Variants in ADAM18 observed in about 807,000 individuals in gnomAD.
ADAM18 encodes disintegrin and metalloproteinase domain-containing protein 18.
Under a neutral mutation model 94.4 loss-of-function variants are expected in ADAM18, and 117 were observed. The ratio of observed to expected loss-of-function variants is 1.24; its 90% CI spans 1.07 to 1.45. The LOEUF is 1.45. Ranked by LOEUF, ADAM18 falls within the 40% of genes most tolerant of loss-of-function variation. ADAM18 has a pLI of 0.00. For missense variants in ADAM18, 936 were observed against 880.0 expected (o/e 1.06, Z -0.81); for synonymous variants, 327 against 291.6 (o/e 1.12, Z -1.24).
Position 39,668,043 on chromosome 8 carries a change from T to A in ADAM18, c.1372T>A (p.Cys458Ser). 6.2e-7 allele frequency: 1 copy of A among 1,614,020 alleles called. No individual in the cohort carries two copies. The highest frequency in any genetic ancestry group is 8.5e-7 in the Non-Finnish European group (1 of 1,179,986). The change falls in exon 14 of 20, where the codon TGT (cysteine) becomes AGT (serine). Residue 458 changes from cysteine to serine, a missense_variant. Physicochemically the swap from Cys to Ser is moderately radical, Grantham distance 112 (BLOSUM62 -1). Transcript: ENST00000265707. ...TPCRKSIDPE[C>S]DFTEYCNGTS... Reference sequence around the variant, plus strand: ...ATGTAGAAAGAGTATTGATCCAGAGTGTGATTTTACAGAGTACTGCAATGG... The same window carrying A: ...ATGTAGAAAGAGTATTGATCCAGAGAGTGATTTTACAGAGTACTGCAATGG...
chr8:39,669,783 A>T (rs1216128490), intron 14 of ADAM18, among the ~76,000 whole-genome samples: 1 of 152,082 alleles, frequency 6.6e-6, no homozygotes, highest in East Asian at 1.9e-4. Flanking sequence ...ATGCGTGTGC[A>T]TGTGTCTTTA....
intron 5 of ADAM18, 130 bp downstream of exon 5, chr8:39,609,691 G>A: frequency 3.4e-6 from 2 of 591,782 alleles, no homozygotes; most frequent in Non-Finnish European, 5.8e-6. Flanking sequence ...CTTTCTAACA[G>A]CTTTATTCTA....
chr8:39,639,757 T>C (rs1389623930), intron 10 of ADAM18, among the ~76,000 whole-genome samples: 1 of 152,042 alleles, frequency 6.6e-6, no homozygotes, highest in East Asian at 1.9e-4. Context: ...AAATCATACA[T>C]TGTTTCTAGT....
chr8:39,638,835 G>A (rs187556362), intron 10 of ADAM18, among the ~76,000 whole-genome samples: 1 of 151,800 alleles, frequency 6.6e-6, no homozygotes, highest in African/African-American at 2.4e-5. Flanking sequence ...CAAAGCATTA[G>A]AGCAATGTTA....
At chr8:39,635,540 A>G (rs1418498622) in intron 7 of ADAM18, among the ~76,000 whole-genome samples, 3 of 152,210 alleles carry the variant, frequency 2.0e-5, no homozygotes, top group African/African-American at 7.2e-5. Flanking sequence ...ATCATAATAT[A>G]GTAATCAAAA....
intron 2 of ADAM18, among the ~76,000 whole-genome samples, chr8:39,593,456 A>T (rs941578900): frequency 2.0e-5 from 3 of 152,162 alleles, no homozygotes; most frequent in African/African-American, 4.8e-5. Flanking sequence ...TGAGGAAAAA[A>T]GTTAGAGGCA....
In ADAM18 at chr8:39,623,190, T is replaced by C. The variant is rs574521521; in HGVS notation, c.523-6184T>C. On this transcript the variant is annotated intron_variant, in intron 6 of 19. Coordinates refer to ENST00000265707, the MANE Select transcript of ADAM18 (RefSeq NM_014237.3). ...TCAAGTTGCTGCAAAAGACATTATT[T>C]CATTCTTTTTTATGGCTGAGTAGCA... is the stretch of plus-strand genomic sequence containing the variant. Among the ~76,000 whole-genome samples the C allele has an allele frequency of 3.1e-4, 47 of 152,348 alleles. No homozygotes were observed. The East Asian group carries it at 7.1e-3, about 23-fold the overall frequency.
chr8:39,648,609 A>T, intron 12 of ADAM18, 82 bp downstream of exon 12: 4 of 1,217,988 alleles, frequency 3.3e-6, no homozygotes, highest in Non-Finnish European at 4.5e-6. Context: ...GTATATATAA[A>T]TGATATATGC....
chr8:39,603,958 A>C (rs1012867839), intron 2 of ADAM18, among the ~76,000 whole-genome samples: 2 of 152,232 alleles, frequency 1.3e-5, no homozygotes, highest in South Asian at 4.1e-4. Context: ...TATCTTTCAG[A>C]TATAGCCAGA....
At chr8:39,668,262 A>G in intron 14 of ADAM18, 66 bp downstream of exon 14, 1 of 1,446,556 alleles carries the variant, frequency 6.9e-7, no homozygotes, top group Admixed American at 1.7e-5. Context: ...TACATTATGT[A>G]CCACACAACT....
At position 39,637,017 on chromosome 8, in the gene ADAM18, TTTTATATATATA is replaced by T. The variant is rs1465906871; in HGVS notation, c.589-245_589-234del. Reference sequence around the variant, plus strand: ...TTAATAATATTTCCGCATGTGTGTATTTTATATATATATATATATATATATATATATATATAT... The same window carrying T: ...TTAATAATATTTCCGCATGTGTGTATTATATATATATATATATATATATAT... On this transcript the variant is annotated intron_variant, in intron 7 of 19. Coordinates refer to ENST00000265707, the MANE Select transcript of ADAM18 (RefSeq NM_014237.3). Among the ~76,000 whole-genome samples the T allele has an allele frequency of 1.1e-3, 96 of 84,768 alleles. 1 individual carries two copies. Among genetic ancestry groups the T allele is most frequent in the African/African-American group, 3.4e-3 (91 of 26,698 alleles). The allele number at this position is 84,768 out of a possible 152,430, so 55.6% of individuals were successfully genotyped here.
rs557751771 is a variant in ADAM18, at chr8:39,620,846, G to C, written c.523-8528G>C. Among the ~76,000 whole-genome samples, 3 of 151,842 alleles carry C rather than the reference G, an allele frequency of 2.0e-5. 1 individual carries two copies. The South Asian group carries it at 6.2e-4, about 31-fold the overall frequency. ...CAGAGATGTAGAGTGTGGAATGATA[G>C]ACAATAGAGATTTGGATGGGTGAGG... On this transcript the variant is annotated intron_variant, in intron 6 of 19. Coordinates refer to ENST00000265707, the MANE Select transcript of ADAM18 (RefSeq NM_014237.3).
chr8:39,633,118 C>A (rs1359992126), intron 7 of ADAM18, among the ~76,000 whole-genome samples: 2 of 152,080 alleles, frequency 1.3e-5, no homozygotes, highest in East Asian at 1.9e-4. Context: ...GTTTGTGGAG[C>A]CTTGATGTGA....
chr8:39,643,956 C>T (rs150505975), intron 10 of ADAM18, among the ~76,000 whole-genome samples: 2 of 151,852 alleles, frequency 1.3e-5, no homozygotes, highest in African/African-American at 4.8e-5. Context: ...CTTTCAAATT[C>T]TGACACTGTA....
At chr8:39,720,256 G>T (rs907972593) in intron 18 of ADAM18, among the ~76,000 whole-genome samples, 1 of 151,450 alleles carries the variant, frequency 6.6e-6, no homozygotes, top group African/African-American at 2.4e-5. Flanking sequence ...AAAAATGAAA[G>T]CTAATTTATA....
In ADAM18 at chr8:39,584,671, C is replaced by T. The variant is rs374893239; in HGVS notation, c.49C>T (p.His17Tyr). Residue 17 changes from histidine (H) to tyrosine (Y), a missense_variant, in exon 1 of 20, where the codon CAC becomes TAC. By Grantham distance (83) the His-to-Tyr change is moderately conservative. Transcript: ENST00000265707. ...CACTGAGCTTGGAAGACTGCAAGCC[C>T]ACGAAGGTAAGTCCATGGGAGCCTC... ...LLTELGRLQAHEGSEGIFLHV... is the reference protein window; with the variant it reads ...LLTELGRLQAYEGSEGIFLHV... 8.7e-6 allele frequency: 14 copies of T among 1,613,230 alleles called. No individual in the cohort carries two copies. Among genetic ancestry groups the T allele is most frequent in the Middle Eastern group, 3.3e-4 (2 of 6,062 alleles).
At chr8:39,704,537 T>G (rs74394626) in intron 17 of ADAM18, among the ~76,000 whole-genome samples, 4,613 of 152,270 alleles carry the variant, frequency 0.03, 92 homozygotes, top group Non-Finnish European at 0.045. Flanking sequence ...TCATTTTTAA[T>G]GTTTTATCTT....
chr8:39,637,720 A>G lies in ADAM18; in HGVS notation c.827+17A>G. 3 of 1,524,098 alleles carry G rather than the reference A, an allele frequency of 2.0e-6. No homozygotes were observed. The highest frequency in any genetic ancestry group is 2.6e-6 in the Non-Finnish European group (3 of 1,136,124). 94.4% of individuals were successfully genotyped at this position (1,524,098 alleles called of 1,614,324 possible). ...CTTACTTGTGTAAGCACAATGTTCT[A>G]CATTAATAAAGATATCTGCATAATT... is the stretch of plus-strand genomic sequence containing the variant. On this transcript the variant is annotated intron_variant, in intron 9 of 19. Coordinates refer to ENST00000265707, the MANE Select transcript of ADAM18 (RefSeq NM_014237.3).
At chr8:39,721,237 C>G (rs1327139356) in intron 18 of ADAM18, among the ~76,000 whole-genome samples, 1 of 151,318 alleles carries the variant, frequency 6.6e-6, no homozygotes, top group African/African-American at 2.4e-5. Flanking sequence ...AAGAAAAAAT[C>G]TATGTATTTC....
Sources: gnomAD v4.1 joint callset for allele counts (sites outside exome capture counted in the v4.1 genomes callset) on GRCh38, gnomAD v4.1.1 for gene constraint, MANE v1.5 for transcripts, NCBI Gene and HGNC (gene_info 2026-07-23, HGNC 2026-07-21) for gene names.